PDE7B: variants seen among roughly 807,000 people sequenced by gnomAD.
PDE7B encodes 3',5'-cyclic-AMP phosphodiesterase 7B.
In PDE7B, 29 loss-of-function variants were observed where a neutral mutation model predicts 56.2. The ratio of observed to expected loss-of-function variants is 0.52; its 90% confidence interval spans 0.38 to 0.70. The LOEUF is 0.70. Ranked by LOEUF, PDE7B falls within the 30% of genes least tolerant of loss-of-function variation. PDE7B has a pLI of 0.00. For missense variants in PDE7B, 490 were observed against 565.0 expected (o/e 0.87, Z 1.35); for synonymous variants, 197 against 196.9 (o/e 1.00, Z 0.00).
At chr6:135,932,948 A>C (rs952473770) in intron 1 of PDE7B, among the ~76,000 whole-genome samples, 1 of 152,184 alleles carries the variant, frequency 6.6e-6, no homozygotes, top group African/African-American at 2.4e-5. Flanking sequence ...TTAAGGGTCT[A>C]TTAGTCATAG....
chr6:135,877,158 C>T (rs955578613), intron 1 of PDE7B, among the ~76,000 whole-genome samples: 1 of 152,088 alleles, frequency 6.6e-6, no homozygotes, highest in East Asian at 1.9e-4. Context: ...TAATCTGCAA[C>T]CTGCTTGTTT....
At chr6:136,104,640 T>TACTACATG (rs1777617946) in intron 2 of PDE7B, among the ~76,000 whole-genome samples, 3 of 152,340 alleles carry the variant, frequency 2.0e-5, no homozygotes, top group Admixed American at 2.0e-4. Flanking sequence ...ACATAAATCT[T>TACTACATG]ACTACATGAG....
intron 1 of PDE7B, among the ~76,000 whole-genome samples, chr6:135,913,258 T>C (rs1776242186): frequency 6.6e-6 from 1 of 152,198 alleles, no homozygotes; most frequent in Non-Finnish European, 1.5e-5. Context: ...TTACCCAATG[T>C]CACACAGCTG....
At chr6:135,933,432 T>G (rs535876971) in intron 1 of PDE7B, among the ~76,000 whole-genome samples, 1 of 152,344 alleles carries the variant, frequency 6.6e-6, no homozygotes, top group South Asian at 2.1e-4. Context: ...TGGCCATGAA[T>G]TAAAGAGCAT....
At chr6:135,912,758 C>T (rs1363911854) in intron 1 of PDE7B, among the ~76,000 whole-genome samples, 1 of 152,120 alleles carries the variant, frequency 6.6e-6, no homozygotes, top group Non-Finnish European at 1.5e-5. Context: ...CTGAAAATAG[C>T]TTTTAATTTA....
chr6:136,104,585 G>C (rs770145553), intron 2 of PDE7B, among the ~76,000 whole-genome samples: 1 of 152,112 alleles, frequency 6.6e-6, no homozygotes, highest in African/African-American at 2.4e-5. Flanking sequence ...CCTTAAAGCA[G>C]GGAGAAGGAA....
intron 3 of PDE7B, among the ~76,000 whole-genome samples, chr6:136,134,592 C>T (rs139968927): frequency 2.6e-5 from 4 of 151,700 alleles, no homozygotes; most frequent in South Asian, 2.1e-4. Flanking sequence ...AAAAACGTTT[C>T]GATTGCCCAG....
At chr6:135,973,824 G>A (rs1329416285) in intron 2 of PDE7B, among the ~76,000 whole-genome samples, 2 of 152,062 alleles carry the variant, frequency 1.3e-5, no homozygotes, top group African/African-American at 4.8e-5. Context: ...ATTATGTTTT[G>A]TTAGAAGATG....
intron 1 of PDE7B, among the ~76,000 whole-genome samples, chr6:135,923,244 G>A (rs527962174): frequency 6.6e-6 from 1 of 152,240 alleles, no homozygotes; most frequent in Non-Finnish European, 1.5e-5. Context: ...TATACTGAGT[G>A]CCTACTGTGT....
intron 1 of PDE7B, among the ~76,000 whole-genome samples, chr6:135,864,891 A>G (rs560204736): frequency 1.6e-4 from 24 of 151,498 alleles, no homozygotes; most frequent in African/African-American, 5.8e-4. Flanking sequence ...TGCCGCACCC[A>G]TTAACTCGTC....
intron 1 of PDE7B, among the ~76,000 whole-genome samples, chr6:135,905,293 G>C (rs1327460752): frequency 6.6e-6 from 1 of 151,752 alleles, no homozygotes; most frequent in Admixed American, 6.6e-5. Context: ...CCGTTTTTTA[G>C]ACTGATGTAA....
intron 6 of PDE7B, among the ~76,000 whole-genome samples, 193 bp from the exon 7 acceptor site, chr6:136,153,882 A>G (rs752048559): frequency 1.3e-5 from 2 of 152,162 alleles, no homozygotes; most frequent in African/African-American, 2.4e-5. Flanking sequence ...TCTGCTGTCC[A>G]TCTCTGCTCT....
At chr6:136,180,390 G>T (rs1187618316) in intron 10 of PDE7B, among the ~76,000 whole-genome samples, 3 of 152,170 alleles carry the variant, frequency 2.0e-5, no homozygotes, top group African/African-American at 7.2e-5. Flanking sequence ...TAAGGCAGAG[G>T]CTGGAGGAGG....
chr6:135,895,996 G>A (rs1178937089), intron 1 of PDE7B, among the ~76,000 whole-genome samples: 1 of 152,122 alleles, frequency 6.6e-6, no homozygotes, highest in Non-Finnish European at 1.5e-5. Flanking sequence ...ATGGTGTCTT[G>A]AGAATGCCTC....
At chr6:136,176,430 C>T (rs1352863839) in intron 9 of PDE7B, among the ~76,000 whole-genome samples, 2 of 151,944 alleles carry the variant, frequency 1.3e-5, no homozygotes, top group Non-Finnish European at 1.5e-5. Context: ...TTGTTTGTAG[C>T]ATTAAAAAGA....
In PDE7B at chr6:136,037,505, C is replaced by A. The variant is rs1007287613; in HGVS notation, c.83-71226C>A. ...ACTGAGGCACTGAGGATCAACCAAG[C>A]CCATCCCAGCACTGGTCTTGGTGAC... On this transcript the variant is annotated intron_variant, in intron 2 of 12. Coordinates refer to ENST00000308191, the MANE Select transcript of PDE7B (RefSeq NM_018945.4). 4.1e-6 allele frequency: 4 copies of A among 985,278 alleles called. No homozygotes were observed. In the African/African-American group the frequency reaches 7.0e-5, roughly 17 times the overall value. 61.0% of individuals were successfully genotyped at this position (985,278 alleles called of 1,614,324 possible). A position where few individuals can be genotyped will look rare whatever the true frequency, so the allele number is the denominator to read the frequency against.
At chr6:136,098,147 G>GGGAAAT (rs1554279577) in intron 2 of PDE7B, 1 of 62,878 alleles carries the variant, frequency 1.6e-5, no homozygotes, top group Non-Finnish European at 3.2e-5. Context: ...GGGGGGGGGG[G>GGGAAAT]AAATATATGT....
intron 2 of PDE7B, among the ~76,000 whole-genome samples, chr6:136,040,495 G>A (rs1776395395): frequency 6.6e-6 from 1 of 152,128 alleles, no homozygotes; most frequent in Admixed American, 6.5e-5. Context: ...CTGAGCATCA[G>A]GTGTCTTCAG....
chr6:136,069,926 G>T (rs955126610), intron 2 of PDE7B, among the ~76,000 whole-genome samples: 1 of 152,104 alleles, frequency 6.6e-6, no homozygotes, highest in East Asian at 1.9e-4. Flanking sequence ...CATCATTAAA[G>T]TGTTATGCAA....
Sources: allele counts gnomAD v4.1 joint callset (sites outside exome capture counted in the v4.1 genomes callset), GRCh38; gene constraint gnomAD v4.1.1; transcripts MANE v1.5; gene names NCBI Gene and HGNC (gene_info 2026-07-23, HGNC 2026-07-21).